Variants in MLLT10 observed in about 807,000 individuals in gnomAD.
MLLT10 encodes the protein protein AF-10.
In MLLT10, 30 loss-of-function variants were observed where a neutral mutation model predicts 129.1. The observed-to-expected ratio is 0.23, with a 90% CI of 0.17 to 0.32. The LOEUF (loss-of-function observed/expected upper bound fraction) is 0.32. MLLT10 is among the 10% of genes least tolerant of loss of function. The pLI, the probability that MLLT10 is intolerant of heterozygous loss-of-function variation, is 1.00. For synonymous variants in MLLT10, 490 were observed against 446.4 expected, an observed-to-expected ratio of 1.10 and a Z score of -1.23; for missense variants, 1,119 against 1,268.3, an observed-to-expected ratio of 0.88 and a Z score of 1.79.
At chr10:21,661,008 C>G (rs994950907) in intron 9 of MLLT10, among the ~76,000 whole-genome samples, 1 of 151,428 alleles carries the variant, frequency 6.6e-6, no homozygotes, top group Non-Finnish European at 1.5e-5. Context: ...TCATTTAGTT[C>G]CATATATTTT....
intron 8 of MLLT10, among the ~76,000 whole-genome samples, chr10:21,647,148 A>T (rs1179679871): frequency 1.3e-5 from 2 of 151,914 alleles, no homozygotes; most frequent in Non-Finnish European, 2.9e-5. Context: ...GAGCCGCTGC[A>T]CCTGGCCATC....
chr10:21,698,979 A>G (rs1189876340), intron 13 of MLLT10, among the ~76,000 whole-genome samples: 3 of 152,142 alleles, frequency 2.0e-5, no homozygotes, highest in Non-Finnish European at 2.9e-5. Context: ...GGTTCAAGCA[A>G]TCCTCCTGCC....
At chr10:21,584,385 G>C (rs2131086034) in intron 3 of MLLT10, among the ~76,000 whole-genome samples, 1 of 151,336 alleles carries the variant, frequency 6.6e-6, no homozygotes, top group East Asian at 1.9e-4. Flanking sequence ...GGATGGTATT[G>C]ATCTCTTGAC....
Position 21,670,690 on chromosome 10 carries a change from G to C in MLLT10, c.1037G>C (p.Ser346Thr), listed in dbSNP as rs373136925. ...RNPGTTVSAASPFPQGSFSGT... is the reference protein window; with the variant it reads ...RNPGTTVSAATPFPQGSFSGT... Reference sequence around the variant, plus strand: ...CCAGGAACAACTGTGTCAGCAGCTAGCCCTTTTCCTCAAGGTATTAGTGAT... The same window carrying C: ...CCAGGAACAACTGTGTCAGCAGCTACCCCTTTTCCTCAAGGTATTAGTGAT... Residue 346 changes from serine to threonine, a missense_variant, in exon 10 of 23, where the codon AGC becomes ACC. By Grantham distance (58) the Ser-to-Thr change is moderately conservative. This residue lies in a region of MLLT10 where 1,004 missense variants were observed against 1,008.7 expected (regional missense o/e 1.00). Transcript: ENST00000307729. 14 of 1,613,682 alleles carry C rather than the reference G, an allele frequency of 8.7e-6. No individual in the cohort carries two copies. The African/African-American group carries it at 1.6e-4, about 18-fold the overall frequency.
At chr10:21,648,064 T>A (rs2131312897) in intron 8 of MLLT10, among the ~76,000 whole-genome samples, 1 of 152,356 alleles carries the variant, frequency 6.6e-6, no homozygotes, top group Admixed American at 6.5e-5. Context: ...CTAGTACCAT[T>A]ATTAAGTAAT....
chr10:21,684,358 A>G (rs761453044), intron 13 of MLLT10, among the ~76,000 whole-genome samples: 12 of 152,164 alleles, frequency 7.9e-5, no homozygotes, highest in Non-Finnish European at 1.6e-4. Context: ...GATGCCTCCA[A>G]TTTAGACTTT....
chr10:21,716,165 A>G (rs191594348), intron 14 of MLLT10, among the ~76,000 whole-genome samples: 3 of 152,260 alleles, frequency 2.0e-5, no homozygotes, highest in Admixed American at 6.5e-5. Flanking sequence ...AAATATTTAG[A>G]TAGAATTGAT....
chr10:21,625,608 C>A lies in MLLT10; in HGVS notation c.699+8401C>A, dbSNP rs549807508. Reference sequence around the variant, plus strand: ...TTCTTCTTTTTGTCATCAGGTTGATCATAGAGAATGACGTCCACCAAACCC... The same window carrying A: ...TTCTTCTTTTTGTCATCAGGTTGATAATAGAGAATGACGTCCACCAAACCC... On this transcript the variant is annotated intron_variant, in intron 8 of 22. Transcript: ENST00000307729. 1.3e-4 allele frequency: 95 copies of A among 756,968 alleles called. 2 individuals are homozygous for A. The highest frequency in any genetic ancestry group is 1.2e-3 in the South Asian group (91 of 73,888). The allele number at this position is 756,968 out of a possible 1,614,324, so 46.9% of individuals were successfully genotyped here. A position where few individuals can be genotyped will look rare whatever the true frequency, so the allele number is the denominator to read the frequency against.
Position 21,673,469 on chromosome 10 carries a change from C to G in MLLT10, c.1171C>G (p.Gln391Glu). The G allele has an allele frequency of 1.2e-6, 2 of 1,613,828 alleles. No individual in the cohort carries two copies. Among genetic ancestry groups the G allele is most frequent in the East Asian group, 4.5e-5 (2 of 44,862 alleles). ...DLRNDSYSHS[Q>E]QSSATKDVHK... ...GCGTAATGACAGTTACTCTCACTCCCAACAGTCATCAGCAACCAAAGATGT... is the reference window on the plus strand; with the variant it reads ...GCGTAATGACAGTTACTCTCACTCCGAACAGTCATCAGCAACCAAAGATGT... Residue 391 changes from glutamine (Q) to glutamate (E), a missense_variant, in exon 11 of 23, where the codon CAA (glutamine) becomes GAA (glutamate). Around this residue, in one of 5 missense-constraint regions of MLLT10, gnomAD observed 1,004 missense variants for 1,008.7 expected, o/e 1.00. Coordinates refer to ENST00000307729, the MANE Select transcript of MLLT10 (RefSeq NM_001195626.3).
chr10:21,698,877 TGTTTG>T (rs1238537908), intron 13 of MLLT10, among the ~76,000 whole-genome samples: 2 of 152,180 alleles, frequency 1.3e-5, no homozygotes, highest in Non-Finnish European at 2.9e-5. Context: ...GTTTTTGTTT[TGTTTG>T]GTTTGGTTTT....
chr10:21,534,306 G>GC lies in MLLT10; in HGVS notation c.-208dup, dbSNP rs1019454124. 11,644 of 329,842 alleles carry GC rather than the reference G, an allele frequency of 0.035. 1,512 individuals are homozygous for GC. The highest frequency in any genetic ancestry group is 0.073 in the African/African-American group (2,960 of 40,414). The allele number at this position is 329,842 out of a possible 1,614,324, so 20.4% of individuals were successfully genotyped here. ...CCTCGCTGCCCCTGGCCCAGCGGGA[G>GC]CCCCCCCTCCCCCCAGTGCGCCTGT... On this transcript the variant is annotated 5_prime_UTR_variant, in exon 1 of 23. Coordinates refer to ENST00000307729, the MANE Select transcript of MLLT10 (RefSeq NM_001195626.3).
At chr10:21,575,255 G>A (rs1304958816) in intron 3 of MLLT10, among the ~76,000 whole-genome samples, 4 of 151,874 alleles carry the variant, frequency 2.6e-5, no homozygotes, top group East Asian at 1.9e-4. Flanking sequence ...GCAGTGGTGC[G>A]ATCTTGGCTT....
chr10:21,725,447 G>A (rs917212169), intron 14 of MLLT10, among the ~76,000 whole-genome samples: 9 of 152,088 alleles, frequency 5.9e-5, no homozygotes, highest in African/African-American at 1.7e-4. Flanking sequence ...GGCCAGGCGC[G>A]GTGGCTCACG....
chr10:21,536,693 C>T (rs1192954858), intron 2 of MLLT10, among the ~76,000 whole-genome samples: 1 of 152,140 alleles, frequency 6.6e-6, no homozygotes, highest in African/African-American at 2.4e-5. Flanking sequence ...TCAGCCTTCC[C>T]AGTAGCTGGG....
At chr10:21,625,881 CCTT>C in intron 8 of MLLT10, 1 of 780,704 alleles carries the variant, frequency 1.3e-6, no homozygotes, top group South Asian at 1.3e-5. Flanking sequence ...ATGGGACTGG[CCTT>C]CTCAAAAAGG....
chr10:21,536,137 C>T (rs779927823), intron 2 of MLLT10, among the ~76,000 whole-genome samples: 9 of 152,138 alleles, frequency 5.9e-5, no homozygotes, highest in Non-Finnish European at 7.4e-5. Flanking sequence ...GACGGGGTTT[C>T]GCCATGTTGG....
intron 8 of MLLT10, among the ~76,000 whole-genome samples, chr10:21,621,349 A>G (rs1280773451): frequency 4.8e-5 from 7 of 146,588 alleles, no homozygotes; most frequent in Non-Finnish European, 7.4e-5. Context: ...GGTTCACGCC[A>G]TTTTCCTGCC....
intron 8 of MLLT10, among the ~76,000 whole-genome samples, chr10:21,640,423 TGTAAA>T (rs747705417): frequency 6.6e-6 from 1 of 151,138 alleles, no homozygotes; most frequent in Non-Finnish European, 1.5e-5. Flanking sequence ...TGATCTTACT[TGTAAA>T]GTAGCTAATT....
chr10:21,590,014 G>T (rs2042348570), intron 4 of MLLT10, among the ~76,000 whole-genome samples: 1 of 151,988 alleles, frequency 6.6e-6, no homozygotes, highest in South Asian at 2.1e-4. Context: ...GCTCACTGCA[G>T]ATTCAAACTC....
Sources: allele counts gnomAD v4.1 joint callset (sites outside exome capture counted in the v4.1 genomes callset), GRCh38; gene constraint gnomAD v4.1.1; regional missense constraint gnomAD v4.1.1; transcripts MANE v1.5; gene names NCBI Gene and HGNC (gene_info 2026-07-23, HGNC 2026-07-21).